Variants in PCDHGB6 observed in about 807,000 individuals in gnomAD.
PCDHGB6 encodes protocadherin gamma subfamily B, 6, also known as protocadherin gamma-B6.
PCDHGB6 carries 51 observed loss-of-function variants against 59.1 expected under a neutral mutation model. The observed-to-expected ratio is 0.86, with a 90% CI of 0.69 to 1.09. The LOEUF is 1.09. Among genes scored for constraint, PCDHGB6 ranks in the 50% least tolerant of loss-of-function variants. The pLI is 0.00. For missense variants in PCDHGB6, 1,148 were observed against 1,205.1 expected, an observed-to-expected ratio of 0.95 and a Z score of 0.70; for synonymous variants, 466 against 495.1, an observed-to-expected ratio of 0.94 and a Z score of 0.78.
At chr5:141,445,490 C>A (rs1181158971) in intron 1 of PCDHGB6, among the ~76,000 whole-genome samples, 1 of 152,134 alleles carries the variant, frequency 6.6e-6, no homozygotes, top group African/African-American at 2.4e-5. Flanking sequence ...AGTTAATGGG[C>A]CCTATTCTAA....
intron 1 of PCDHGB6, chr5:141,414,940 G>C: frequency 7.4e-6 from 12 of 1,614,104 alleles, no homozygotes; most frequent in Non-Finnish European, 9.3e-6. Context: ...CGCAGAGCCC[G>C]GCTACCTGGT....
At chr5:141,444,056 A>G (rs1055292734) in intron 1 of PCDHGB6, among the ~76,000 whole-genome samples, 7 of 151,740 alleles carry the variant, frequency 4.6e-5, no homozygotes, top group Non-Finnish European at 7.4e-5. Context: ...GGCATCTTCA[A>G]TCTAGATTCT....
At chr5:141,480,859 A>G (rs1197372110) in intron 1 of PCDHGB6, among the ~76,000 whole-genome samples, 2 of 152,178 alleles carry the variant, frequency 1.3e-5, no homozygotes, top group Non-Finnish European at 2.9e-5. Context: ...AGCCTGGCCA[A>G]TATGGTGAAA....
intron 1 of PCDHGB6, among the ~76,000 whole-genome samples, chr5:141,484,774 C>T (rs1269490742): frequency 6.6e-6 from 1 of 151,782 alleles, no homozygotes; most frequent in Non-Finnish European, 1.5e-5. Context: ...ATGTTGTCTG[C>T]CTCCCCACAG....
At chr5:141,415,157 C>T in intron 1 of PCDHGB6, 1 of 1,613,864 alleles carries the variant, frequency 6.2e-7, no homozygotes, top group Non-Finnish European at 8.5e-7. Flanking sequence ...CTCTCCGCCA[C>T]TGTCACGCTC....
At position 141,489,786 on chromosome 5, in the gene PCDHGB6, G is replaced by A. The variant is rs758119518; in HGVS notation, c.2419-5021G>A. 8.7e-6 allele frequency: 14 copies of A among 1,614,194 alleles called. No individual in the cohort carries two copies. Among genetic ancestry groups the A allele is most frequent in the Non-Finnish European group, 1.2e-5 (14 of 1,180,014 alleles). ...CCAACAGCCACTTCTCTCTGAATGTGAAGACCCTAAAAGATGGGAAGCCAT... is the reference window on the plus strand; with the variant it reads ...CCAACAGCCACTTCTCTCTGAATGTAAAGACCCTAAAAGATGGGAAGCCAT... On this transcript the variant is annotated intron_variant, in intron 1 of 3. Transcript: ENST00000520790. This position sits in a 1 kb window ranked among gnomAD's most constrained non-coding sequence, Gnocchi z 4.5.
intron 1 of PCDHGB6, among the ~76,000 whole-genome samples, chr5:141,445,156 GT>G (rs1248104914): frequency 6.6e-6 from 1 of 152,018 alleles, no homozygotes; most frequent in Non-Finnish European, 1.5e-5. Flanking sequence ...TTCATTTCTA[GT>G]TTACAGAAAA....
In PCDHGB6 at chr5:141,419,332, C is replaced by T. The variant is rs1356380695; in HGVS notation, c.2418+8712C>T. On this transcript the variant is annotated intron_variant, in intron 1 of 3. Transcript: ENST00000520790. Reference sequence around the variant, plus strand: ...TCAACGGCCGTGTCTCCTACTCTCTCATTGCCAGCGACCTGGAGTCACGAA... The same window carrying T: ...TCAACGGCCGTGTCTCCTACTCTCTTATTGCCAGCGACCTGGAGTCACGAA... 3.7e-6 allele frequency: 6 copies of T among 1,613,832 alleles called. No individual in the cohort carries two copies. The Admixed American group carries it at 8.3e-5, about 22-fold the overall frequency.
At chr5:141,430,911 A>T (rs544678317) in intron 1 of PCDHGB6, 4 of 1,607,840 alleles carry the variant, frequency 2.5e-6, no homozygotes, top group Non-Finnish European at 3.4e-6. Context: ...ATCTCCAGGG[A>T]CCTGGGGCTG....
At position 141,494,730 on chromosome 5, in the gene PCDHGB6, G is replaced by A. The variant is rs1595262506; in HGVS notation, c.2419-77G>A. 18 of 1,609,816 alleles carry A rather than the reference G, an allele frequency of 1.1e-5. No individual in the cohort carries two copies. In the East Asian group the frequency reaches 4.0e-4, roughly 36 times the overall value. On this transcript the variant is annotated intron_variant, in intron 1 of 3. Coordinates refer to ENST00000520790, the MANE Select transcript of PCDHGB6 (RefSeq NM_018926.3). ...GTGCCCACTCCCCTCCTTCTCTCCC[G>A]GCCCATCCCTAGGGGCTCGGGTGAC...
intron 1 of PCDHGB6, chr5:141,478,437 A>G (rs2099455876): frequency 6.2e-7 from 1 of 1,613,758 alleles, no homozygotes; most frequent in African/African-American, 1.3e-5. Flanking sequence ...CCGCTGCTGA[A>G]GAAACCTGGT....
rs139867523 is a variant in PCDHGB6, at chr5:141,474,274, G to A, written c.2419-20533G>A. 1.2e-4 allele frequency among the ~76,000 whole-genome samples: 19 copies of A among 152,278 alleles called. No homozygotes were observed. In the East Asian group the frequency reaches 3.3e-3, roughly 26 times the overall value. On this transcript the variant is annotated intron_variant, in intron 1 of 3. Coordinates refer to ENST00000520790, the MANE Select transcript of PCDHGB6 (RefSeq NM_018926.3). ...AAGACTGATAAACCAGTGTATCTCT[G>A]AATAACCCACTAGATCAGTGCTTGT...
At position 141,489,358 on chromosome 5, in the gene PCDHGB6, G is replaced by A; in HGVS notation, c.2419-5449G>A. On this transcript the variant is annotated intron_variant, in intron 1 of 3. Transcript: ENST00000520790. This position sits in a 1 kb window ranked among gnomAD's most constrained non-coding sequence, Gnocchi z 4.5. ...TCGTTACTCAGTGGTGGAGGAGTCT[G>A]AGCCGGGGACGCTGGTGGGGAATGT... 1 of 1,613,144 alleles carries A rather than the reference G, an allele frequency of 6.2e-7. No individual in the cohort carries two copies. The highest frequency in any genetic ancestry group is 8.5e-7 in the Non-Finnish European group (1 of 1,179,278).
rs1246027327 is a variant in PCDHGB6, at chr5:141,491,976, C to A, written c.2419-2831C>A. On this transcript the variant is annotated intron_variant, in intron 1 of 3. Transcript: ENST00000520790. This position sits in a 1 kb window ranked among gnomAD's most constrained non-coding sequence, Gnocchi z 6.9. ...ACTCAAAAAAGGCCGGGGCCTCCTT[C>A]GAGCTTCCGGTGAATTTCGGGCGAT... 3 of 800,708 alleles carry A rather than the reference C, an allele frequency of 3.7e-6. No individual in the cohort carries two copies. The Admixed American group carries it at 1.1e-4, about 30-fold the overall frequency. 49.6% of individuals were successfully genotyped at this position (800,708 alleles called of 1,614,324 possible).
rs368927472 is a variant in PCDHGB6 at position 141,490,874 on chromosome 5, A to G, written c.2419-3933A>G. The G allele has an allele frequency of 2.4e-5, 39 of 1,613,830 alleles. No individual in the cohort carries two copies. Among genetic ancestry groups the G allele is most frequent in the Non-Finnish European group, 3.1e-5 (36 of 1,179,960 alleles). ...CGAGACTCCGGCTCTCCCCCATTGCATGCCAACACATCTCTGCATGTGTTT... is the reference window on the plus strand; with the variant it reads ...CGAGACTCCGGCTCTCCCCCATTGCGTGCCAACACATCTCTGCATGTGTTT... On this transcript the variant is annotated intron_variant, in intron 1 of 3. Transcript: ENST00000520790. This position sits in a 1 kb window ranked among gnomAD's most constrained non-coding sequence, Gnocchi z 5.4.
In PCDHGB6 at chr5:141,422,435, A is replaced by G. The variant is rs199795822; in HGVS notation, c.2418+11815A>G. 7.8e-4 allele frequency: 1,254 copies of G among 1,609,700 alleles called. 7 individuals are homozygous for G. The highest frequency in any genetic ancestry group is 2.1e-3 in the South Asian group (193 of 90,090). Reference sequence around the variant, plus strand: ...TTAGAAAAGACTTATGGAAATTATTACAAATTGATAACAAGCAGAGTGCTG... The same window carrying G: ...TTAGAAAAGACTTATGGAAATTATTGCAAATTGATAACAAGCAGAGTGCTG... On this transcript the variant is annotated intron_variant, in intron 1 of 3. Transcript: ENST00000520790.
intron 1 of PCDHGB6, chr5:141,418,561 T>C: frequency 1.2e-6 from 2 of 1,614,006 alleles, no homozygotes; most frequent in Non-Finnish European, 1.7e-6. Context: ...TGGTAATAGA[T>C]GCCAATGACA....
At position 141,476,396 on chromosome 5, in the gene PCDHGB6, C is replaced by A; in HGVS notation, c.2419-18411C>A. The A allele has an allele frequency of 6.2e-7, 1 of 1,614,032 alleles. No homozygotes were observed. Among genetic ancestry groups the A allele is most frequent in the Non-Finnish European group, 8.5e-7 (1 of 1,180,020 alleles). Reference sequence around the variant, plus strand: ...GATGTTTGTGAACGACCGTCTGGATCGAGAGGAGCTGTGTGGGACACTGCC... The same window carrying A: ...GATGTTTGTGAACGACCGTCTGGATAGAGAGGAGCTGTGTGGGACACTGCC... On this transcript the variant is annotated intron_variant, in intron 1 of 3. Transcript: ENST00000520790. The surrounding 1 kb of genome is among the most constrained non-coding windows in gnomAD (Gnocchi z 7.6).
At chr5:141,478,050 C>G (rs2099429383) in intron 1 of PCDHGB6, 2 of 1,614,184 alleles carry the variant, frequency 1.2e-6, no homozygotes, top group South Asian at 2.2e-5. Context: ...CAGACTCTCA[C>G]GGTCTTGATC....
Sources: gnomAD v4.1 joint callset for allele counts (sites outside exome capture counted in the v4.1 genomes callset) on GRCh38, gnomAD v4.1.1 for gene constraint, Gnocchi (gnomAD v3.1) non-coding constraint, MANE v1.5 for transcripts, NCBI Gene and HGNC (gene_info 2026-07-23, HGNC 2026-07-21) for gene names.